Variants in CIT observed in about 807,000 individuals in gnomAD.
CIT encodes citron rho-interacting serine/threonine kinase.
In CIT, 79 loss-of-function variants were observed where a neutral mutation model predicts 272.7. The observed-to-expected ratio is 0.29, with a 90% confidence interval of 0.24 to 0.35. The LOEUF is 0.35. CIT is among the 10% of genes least tolerant of loss of function. The probability of loss-of-function intolerance (pLI) is 1.00; values close to 1 mark genes in which losing one functional copy is unlikely to be tolerated. For missense variants in CIT, 1,909 were observed against 2,618.3 expected, an observed-to-expected ratio of 0.73 and a Z score of 5.91; for synonymous variants, 948 against 995.6, an observed-to-expected ratio of 0.95 and a Z score of 0.90.
rs775882781 is a variant in CIT, at chr12:119,832,797, C to T, written c.727G>A (p.Ala243Thr). 2 of 1,613,946 alleles carry T rather than the reference C, an allele frequency of 1.2e-6. No homozygotes were observed. The highest frequency in any genetic ancestry group is 2.2e-5 in the South Asian group (2 of 91,072). Residue 243 changes from alanine to threonine, a missense_variant, in exon 7 of 48, where the codon GCC (alanine) becomes ACC (threonine). Ala to Thr is a moderately conservative substitution (Grantham distance 58, BLOSUM62 0). Transcript: ENST00000392521. ...ATCTTGTTTGAATTCATTTTCGCGG[C>T]AGATCCAAAATCCACCAGCTTGATG... ...GHIKLVDFGS[A>T]AKMNSNKMVN... is the part of the protein sequence containing the mutation.
chr12:119,715,960 T>C (rs1050180685), intron 32 of CIT, among the ~76,000 whole-genome samples: 2 of 152,174 alleles, frequency 1.3e-5, no homozygotes, highest in African/African-American at 4.8e-5. Context: ...AACTGTGTGG[T>C]GCAGTATACA....
intron 23 of CIT, among the ~76,000 whole-genome samples, chr12:119,743,708 A>G (rs553342774): frequency 6.6e-6 from 1 of 152,346 alleles, no homozygotes; most frequent in South Asian, 2.1e-4. Flanking sequence ...AAGTGCTGTT[A>G]AACTATGACA....
At chr12:119,792,048 GAATAA>G (rs1250171983) in intron 10 of CIT, among the ~76,000 whole-genome samples, 4 of 152,162 alleles carry the variant, frequency 2.6e-5, no homozygotes, top group Admixed American at 2.6e-4. Context: ...ATAGGGCTAT[GAATAA>G]AATATTGCAT....
Position 119,713,596 on chromosome 12 carries a change from G to A in CIT, c.4359C>T (p.Cys1453=), listed in dbSNP as rs769742796. The A allele has an allele frequency of 3.2e-5, 51 of 1,614,122 alleles. No homozygotes were observed. Among genetic ancestry groups the A allele is most frequent in the South Asian group, 2.3e-4 (21 of 91,088 alleles). The change falls in exon 34 of 48, where the codon TGC becomes TGT. Residue 1453 remains cysteine (C), a synonymous_variant. Coordinates refer to ENST00000392521, the MANE Select transcript of CIT (RefSeq NM_001206999.2). This position sits in a 1 kb window ranked among gnomAD's most constrained non-coding sequence, Gnocchi z 5.2. ...GTGTGGCATATTCAGCAGGCAAGCC[G>A]CAGGTGGCTGGCAAGCACGTGGAGC... The part of the protein sequence containing the change: ...PKCSTCLPAT[C]GLPAEYATHF...
intron 9 of CIT, among the ~76,000 whole-genome samples, chr12:119,805,411 G>A (rs1966533790): frequency 6.6e-6 from 1 of 152,180 alleles, no homozygotes; most frequent in South Asian, 2.1e-4. Flanking sequence ...TTAGCATACA[G>A]TAATCACTCC....
In CIT at chr12:119,713,148, G is replaced by T; in HGVS notation, c.4579+55C>A. On this transcript the variant is annotated intron_variant, in intron 35 of 47. Transcript: ENST00000392521. The surrounding 1 kb of genome is among the most constrained non-coding windows in gnomAD (Gnocchi z 5.2). ...AAAACAAAGCCTTCGCGCCAGCACTGGGGAGACCTGGGTTAGCCACGTGCA... is the reference window on the plus strand; with the variant it reads ...AAAACAAAGCCTTCGCGCCAGCACTTGGGAGACCTGGGTTAGCCACGTGCA... 2 of 1,350,394 alleles carry T rather than the reference G, an allele frequency of 1.5e-6. No homozygotes were observed. Among genetic ancestry groups the T allele is most frequent in the South Asian group, 1.2e-5 (1 of 82,544 alleles). The allele number at this position is 1,350,394 out of a possible 1,614,324, so 83.7% of individuals were successfully genotyped here.
chr12:119,783,605 G>A (rs1964502653), intron 12 of CIT: 1 of 223,480 alleles, frequency 4.5e-6, no homozygotes, highest in African/African-American at 2.3e-5. Context: ...ACAGAGGCTG[G>A]GATGGGAGAT....
chr12:119,695,640 A>G (rs1462340782), intron 46 of CIT, among the ~76,000 whole-genome samples: 1 of 152,170 alleles, frequency 6.6e-6, no homozygotes, highest in African/African-American at 2.4e-5. Context: ...TACAAAAAAT[A>G]CAAAAATTAG....
In CIT at chr12:119,690,169, CG is replaced by C; in HGVS notation, c.6167del (p.Pro2056ArgfsTer5). The C allele has an allele frequency of 6.7e-7, 1 of 1,481,936 alleles. No homozygotes were observed. 91.8% of individuals were successfully genotyped at this position (1,481,936 alleles called of 1,614,324 possible). Reference sequence around the variant, plus strand: ...GCCTCACCTTGTTCACCTGGGACAGCGGGGTCCTCACGGCTCCCGCAGGCAG... The same window carrying C: ...GCCTCACCTTGTTCACCTGGGACAGCGGGTCCTCACGGCTCCCGCAGGCAG... ...GRLPAGAVRT[P>X]LSQVNKVWDQ... On this transcript the variant is annotated frameshift_variant, in exon 47 of 48. Coordinates refer to ENST00000392521, the MANE Select transcript of CIT (RefSeq NM_001206999.2). LOFTEE classifies it high-confidence loss of function. The surrounding 1 kb of genome is among the most constrained non-coding windows in gnomAD (Gnocchi z 6.0).
At chr12:119,724,930 C>CAAAAAAAAA (rs35757526) in intron 28 of CIT, among the ~76,000 whole-genome samples, 1 of 44,528 alleles carries the variant, frequency 2.2e-5, no homozygotes. Flanking sequence ...GACTCCATCT[C>CAAAAAAAAA]AAAAAAAAAA....
Position 119,822,895 on chromosome 12 carries a change from T to G in CIT, c.1036A>C (p.Lys346Gln). 10 of 1,614,130 alleles carry G rather than the reference T, an allele frequency of 6.2e-6. No homozygotes were observed. Among genetic ancestry groups the G allele is most frequent in the Non-Finnish European group, 8.5e-6 (10 of 1,180,012 alleles). ...AGACCTTCAAACTTCAGTCTCTCTT[T>G]CTGGCCGCACAACAAGCTTTGAATC... ...DLIQSLLCGQ[K>Q]ERLKFEGLCC... Residue 346 changes from lysine (K) to glutamine (Q), a missense_variant, in exon 9 of 48, where the codon AAA (lysine) becomes CAA (glutamine). By Grantham distance (53) the Lys-to-Gln change is moderately conservative (BLOSUM62 1). Coordinates refer to ENST00000392521, the MANE Select transcript of CIT (RefSeq NM_001206999.2).
chr12:119,845,342 G>A (rs1329467080), intron 5 of CIT, among the ~76,000 whole-genome samples: 1 of 151,872 alleles, frequency 6.6e-6, no homozygotes, highest in African/African-American at 2.4e-5. Context: ...GTCCACAGCA[G>A]TTAAATCCAC....
rs74614893 is a variant in CIT, at chr12:119,713,696, G to A, written c.4307-48C>T. 0.024 allele frequency: 38,113 copies of A among 1,596,036 alleles called. 537 individuals carry two copies. Among genetic ancestry groups the A allele is most frequent in the South Asian group, 0.034 (3,048 of 90,562 alleles). Reference sequence around the variant, plus strand: ...CTGAGGGCATGCTCAGCTGACCCTGGACCCTTCCCTTCCTCTGCCAGCCAA... The same window carrying A: ...CTGAGGGCATGCTCAGCTGACCCTGAACCCTTCCCTTCCTCTGCCAGCCAA... On this transcript the variant is annotated intron_variant, in intron 33 of 47. Transcript: ENST00000392521. This position sits in a 1 kb window ranked among gnomAD's most constrained non-coding sequence, Gnocchi z 5.2.
At chr12:119,719,537 T>C (rs1283090871) in intron 30 of CIT, among the ~76,000 whole-genome samples, 1 of 152,146 alleles carries the variant, frequency 6.6e-6, no homozygotes, top group Admixed American at 6.5e-5. Context: ...CCATATACAG[T>C]CACGCAGCAT....
In CIT at chr12:119,725,309, T is replaced by C. The variant is rs370708876; in HGVS notation, c.3591+3193A>G. Among the ~76,000 whole-genome samples, 11 of 151,626 alleles carry C rather than the reference T, an allele frequency of 7.3e-5. No individual in the cohort carries two copies. In the East Asian group the frequency reaches 1.6e-3, roughly 22 times the overall value. On this transcript the variant is annotated intron_variant, in intron 28 of 47. Transcript: ENST00000392521. ...GGAGTGCTGGTGTATACCTGTAATC[T>C]CAGCTACTCGGGAGGCTGAGGCAGG... is the stretch of plus-strand genomic sequence containing the variant.
rs988692624 is a variant in CIT, at chr12:119,697,216, C to A, written c.5882+443G>T. Among the ~76,000 whole-genome samples the A allele has an allele frequency of 9.2e-5, 14 of 152,130 alleles. No individual in the cohort carries two copies. The highest frequency in any genetic ancestry group is 5.8e-4 in the East Asian group (3 of 5,170). On this transcript the variant is annotated intron_variant, in intron 46 of 47. Transcript: ENST00000392521. The surrounding 1 kb of genome is among the most constrained non-coding windows in gnomAD (Gnocchi z 4.9). ...TCCACGTCCAGGCTTTCAACCACCC[C>A]ACCAGGGCCTCATCCTTCCATGCCT... is the stretch of plus-strand genomic sequence containing the variant.
At chr12:119,749,168 G>A (rs1309121244) in intron 23 of CIT, among the ~76,000 whole-genome samples, 1 of 152,178 alleles carries the variant, frequency 6.6e-6, no homozygotes, top group African/African-American at 2.4e-5. Flanking sequence ...TTTGGCCCAG[G>A]GATGGAGGCC....
intron 2 of CIT, among the ~76,000 whole-genome samples, chr12:119,872,728 A>T (rs535539574): frequency 2.6e-5 from 4 of 152,184 alleles, no homozygotes; most frequent in Non-Finnish European, 5.9e-5. Flanking sequence ...CCTCATCTGC[A>T]AAACCCAACG....
chr12:119,864,101 T>C (rs1950447250), intron 3 of CIT, among the ~76,000 whole-genome samples: 1 of 152,028 alleles, frequency 6.6e-6, no homozygotes, highest in African/African-American at 2.4e-5. Context: ...TATTTAACAT[T>C]GTATTGTGTA....
Sources: gnomAD v4.1 joint callset for allele counts (sites outside exome capture counted in the v4.1 genomes callset) on GRCh38, gnomAD v4.1.1 for gene constraint, Gnocchi (gnomAD v3.1) non-coding constraint, MANE v1.5 for transcripts, NCBI Gene and HGNC (gene_info 2026-07-23, HGNC 2026-07-21) for gene names.